Variants in SENP5 observed in about 807,000 individuals in gnomAD.
SENP5 encodes SUMO specific peptidase 5.
Under a neutral mutation model 74.2 loss-of-function variants are expected in SENP5, and 21 were observed. The ratio of observed to expected loss-of-function variants is 0.28; its 90% confidence interval spans 0.20 to 0.41. The LOEUF is 0.41. Ranked by LOEUF, SENP5 falls within the 10% of genes least tolerant of loss-of-function variation. SENP5 has a pLI of 1.00. For missense variants in SENP5, 717 were observed against 889.1 expected (o/e 0.81, Z 2.46); for synonymous variants, 311 against 312.7 (o/e 0.99, Z 0.06).
intron 2 of SENP5, among the ~76,000 whole-genome samples, chr3:196,890,459 A>G (rs988358127): frequency 6.6e-6 from 1 of 152,218 alleles, no homozygotes; most frequent in Admixed American, 6.5e-5. Context: ...AATTTTATTC[A>G]GTATTACATA....
intron 8 of SENP5, among the ~76,000 whole-genome samples, chr3:196,928,698 T>A (rs549729023): frequency 6.2e-4 from 94 of 152,192 alleles, no homozygotes; most frequent in Admixed American, 1.5e-3. Flanking sequence ...GATTTATTAG[T>A]TCACCCTTGA....
intron 2 of SENP5, among the ~76,000 whole-genome samples, chr3:196,897,559 A>G (rs552339656): frequency 6.6e-6 from 1 of 152,354 alleles, no homozygotes; most frequent in East Asian, 1.9e-4. Context: ...GAGGAAAAAT[A>G]AATTGTTCAC....
chr3:196,917,723 A>G (rs1281015459), intron 6 of SENP5, among the ~76,000 whole-genome samples: 3 of 152,220 alleles, frequency 2.0e-5, no homozygotes, highest in African/African-American at 7.2e-5. Flanking sequence ...ATATACTTCA[A>G]ACATGAAGGA....
At chr3:196,916,812 C>T (rs1361766765) in intron 6 of SENP5, among the ~76,000 whole-genome samples, 1 of 151,092 alleles carries the variant, frequency 6.6e-6, no homozygotes, top group Admixed American at 6.6e-5. Context: ...GTGACCACAC[C>T]CAGCTGAGAT....
At chr3:196,922,652 G>A (rs941292584) in intron 6 of SENP5, among the ~76,000 whole-genome samples, 5 of 152,158 alleles carry the variant, frequency 3.3e-5, no homozygotes, top group African/African-American at 1.2e-4. Context: ...ACAAGGTCTG[G>A]CTCTGTCACC....
chr3:196,929,718 T>G lies in SENP5; in HGVS notation c.2157+35T>G, dbSNP rs1233678233. The G allele has an allele frequency of 2.7e-6, 4 of 1,465,524 alleles. No individual in the cohort carries two copies. The East Asian group carries it at 6.8e-5, about 25-fold the overall frequency. 90.8% of individuals were successfully genotyped at this position (1,465,524 alleles called of 1,614,324 possible). A position where few individuals can be genotyped will look rare whatever the true frequency, so the allele number is the denominator to read the frequency against. Reference sequence around the variant, plus strand: ...CACTTGCTTTTCGGAACTTACAATGTGTGAATTGAGTCTGTTGGGTTGAGA... The same window carrying G: ...CACTTGCTTTTCGGAACTTACAATGGGTGAATTGAGTCTGTTGGGTTGAGA... On this transcript the variant is annotated intron_variant, in intron 9 of 9. Transcript: ENST00000323460.
intron 7 of SENP5, among the ~76,000 whole-genome samples, chr3:196,927,139 A>G (rs1321027867): frequency 2.0e-5 from 3 of 152,230 alleles, no homozygotes; most frequent in Non-Finnish European, 4.4e-5. Flanking sequence ...ATTACTTTCC[A>G]GAAGCTGAAT....
chr3:196,928,926 A>C (rs1401024465), intron 8 of SENP5, among the ~76,000 whole-genome samples: 1 of 152,174 alleles, frequency 6.6e-6, no homozygotes, highest in Admixed American at 6.5e-5. Context: ...ACAGTGGCTC[A>C]CACCTGTAAT....
chr3:196,925,538 G>C (rs895005208), intron 7 of SENP5, among the ~76,000 whole-genome samples: 6 of 152,244 alleles, frequency 3.9e-5, no homozygotes, highest in African/African-American at 7.2e-5. Context: ...AGGCAGAGGA[G>C]AGCAGAGGTG....
intron 6 of SENP5, among the ~76,000 whole-genome samples, chr3:196,915,788 C>G (rs1043930430): frequency 8.5e-5 from 13 of 152,154 alleles, no homozygotes; most frequent in Admixed American, 2.0e-4. Context: ...CCATCTTACC[C>G]AAGCACACCA....
At chr3:196,927,665 G>A (rs2054200) in intron 7 of SENP5, 131 bp from the exon 8 acceptor site, 100,333 of 495,440 alleles carry the variant, frequency 0.2, 10,913 homozygotes, top group African/African-American at 0.27. Context: ...AATTGTTCCA[G>A]CTTCTTAATG....
chr3:196,934,297 G>A lies in SENP5; in HGVS notation c.*3374G>A, dbSNP rs532637011. ...CTCAGCCAGCACTAGCCTCATCTTA[G>A]CTGCCCCTTTTCTCTGCTTTGCAGT... On this transcript the variant is annotated 3_prime_UTR_variant, in exon 10 of 10. Coordinates refer to ENST00000323460, the MANE Select transcript of SENP5 (RefSeq NM_152699.5). The A allele has an allele frequency of 1.3e-5, 2 of 152,242 alleles. No homozygotes were observed. Among genetic ancestry groups the A allele is most frequent in the Non-Finnish European group, 2.9e-5 (2 of 68,082 alleles). The allele number at this position is 152,242 out of a possible 1,614,324, so 9.4% of individuals were successfully genotyped here. A position where few individuals can be genotyped will look rare whatever the true frequency, so the allele number is the denominator to read the frequency against.
At chr3:196,881,793 AC>A (rs896382808) in intron 1 of SENP5, among the ~76,000 whole-genome samples, 10 of 139,550 alleles carry the variant, frequency 7.2e-5, no homozygotes, top group African/African-American at 1.9e-4. Flanking sequence ...AATTTTCAAG[AC>A]CCCTTTCTTG....
At chr3:196,880,514 C>G (rs1384474582) in intron 1 of SENP5, among the ~76,000 whole-genome samples, 1 of 152,186 alleles carries the variant, frequency 6.6e-6, no homozygotes, top group African/African-American at 2.4e-5. Flanking sequence ...TGAACTGAGA[C>G]TCAATCCAGG....
chr3:196,904,241 A>G (rs73078448), intron 6 of SENP5, among the ~76,000 whole-genome samples: 96 of 152,336 alleles, frequency 6.3e-4, no homozygotes, highest in African/African-American at 2.3e-3. Context: ...CAGGAGGAAG[A>G]TGGGCTAGTT....
chr3:196,900,453 G>A, intron 5 of SENP5, 41 bp downstream of exon 5: 1 of 1,533,582 alleles, frequency 6.5e-7, no homozygotes, highest in South Asian at 1.2e-5. Flanking sequence ...GAGTGTTCTT[G>A]TGTATTAAAA....
At chr3:196,873,751 A>G (rs1293886399) in intron 1 of SENP5, among the ~76,000 whole-genome samples, 1 of 152,076 alleles carries the variant, frequency 6.6e-6, no homozygotes, top group East Asian at 1.9e-4. Context: ...GAGGCAGGAG[A>G]ATCCTTGAAC....
chr3:196,907,621 C>T (rs1173925339), intron 6 of SENP5, among the ~76,000 whole-genome samples: 1 of 151,858 alleles, frequency 6.6e-6, no homozygotes, highest in Non-Finnish European at 1.5e-5. Flanking sequence ...AAATAATAAA[C>T]TAAATTATTC....
At chr3:196,891,133 G>A (rs1321345964) in intron 2 of SENP5, among the ~76,000 whole-genome samples, 3 of 152,274 alleles carry the variant, frequency 2.0e-5, no homozygotes, top group African/African-American at 4.8e-5. Context: ...AATAAACACC[G>A]ATATATACTT....
Sources: gnomAD v4.1 joint callset for allele counts (sites outside exome capture counted in the v4.1 genomes callset) on GRCh38, gnomAD v4.1.1 for gene constraint, MANE v1.5 for transcripts, NCBI Gene and HGNC (gene_info 2026-07-23, HGNC 2026-07-21) for gene names.